Variants in NRDC observed in about 807,000 individuals in gnomAD.
NRDC encodes the protein nardilysin convertase.
NRDC carries 54 observed loss-of-function variants against 147.1 expected under a neutral mutation model. That is an observed-to-expected ratio of 0.37 (90% CI 0.29 to 0.46). The LOEUF (loss-of-function observed/expected upper bound fraction) is 0.46, where lower values mean the gene tolerates loss of function less well. Among genes scored for constraint, NRDC ranks in the 20% least tolerant of loss-of-function variants. The probability of loss-of-function intolerance (pLI) is 1.00; values close to 1 mark genes in which losing one functional copy is unlikely to be tolerated. For synonymous variants in NRDC, 440 were observed against 482.1 expected (o/e 0.91, Z 1.14); for missense variants, 1,082 against 1,370.6 (o/e 0.79, Z 3.33).
intron 4 of NRDC, among the ~76,000 whole-genome samples, chr1:51,833,212 G>A (rs1680795821): frequency 6.6e-6 from 1 of 151,948 alleles, no homozygotes; most frequent in Admixed American, 6.6e-5. Context: ...TATAATCCCA[G>A]CACTTTGAGA....
At chr1:51,874,459 C>T (rs1416764271) in intron 1 of NRDC, among the ~76,000 whole-genome samples, 1 of 151,866 alleles carries the variant, frequency 6.6e-6, no homozygotes, top group Non-Finnish European at 1.5e-5. Context: ...TCTACAAAAG[C>T]TTAGCTGGGC....
At position 51,840,506 on chromosome 1, in the gene NRDC, TTGATGTATC is replaced by T. The variant is rs1456198341; in HGVS notation, c.342-1_349del. Reference sequence around the variant, plus strand: ...AAGTGCCTGCAAGCCATTCTGTAATTTGATGTATCTGGGGGGAGAAAAAAAAAATCACAC... The same window carrying T: ...AAGTGCCTGCAAGCCATTCTGTAATTTGGGGGGAGAAAAAAAAAATCACAC... On this transcript the variant is annotated splice_acceptor_variant and coding_sequence_variant, in exon 2 of 31. Coordinates refer to ENST00000352171, the MANE Select transcript of NRDC (RefSeq NM_001101662.2). LOFTEE classifies it high-confidence loss of function. 1 of 1,600,044 alleles carries T rather than the reference TTGATGTATC, an allele frequency of 6.2e-7. No individual in the cohort carries two copies. Among genetic ancestry groups the T allele is most frequent in the African/African-American group, 1.4e-5 (1 of 73,958 alleles).
chr1:51,868,861 C>A (rs1682948265), intron 1 of NRDC, among the ~76,000 whole-genome samples: 1 of 152,018 alleles, frequency 6.6e-6, no homozygotes, highest in Admixed American at 6.6e-5. Flanking sequence ...AGGGAGTGAG[C>A]CACCACCTCA....
intron 1 of NRDC, among the ~76,000 whole-genome samples, chr1:51,866,031 G>A (rs990579371): frequency 6.6e-6 from 1 of 151,924 alleles, no homozygotes; most frequent in Non-Finnish European, 1.5e-5. Context: ...TGCACAGCCT[G>A]GGCGACAGAG....
intron 3 of NRDC, 111 bp downstream of exon 3, chr1:51,836,020 G>A (rs1419316407): frequency 1.2e-6 from 1 of 822,394 alleles, no homozygotes; most frequent in Admixed American, 2.5e-5. Flanking sequence ...CTTTTCTCTT[G>A]CTAAATATAT....
chr1:51,813,807 C>T (rs1416083025), intron 14 of NRDC, among the ~76,000 whole-genome samples: 1 of 152,168 alleles, frequency 6.6e-6, no homozygotes, highest in Non-Finnish European at 1.5e-5. Flanking sequence ...TACCACACAA[C>T]ATCATCTGTG....
At chr1:51,845,025 G>C (rs1345223768) in intron 1 of NRDC, among the ~76,000 whole-genome samples, 10 of 152,114 alleles carry the variant, frequency 6.6e-5, no homozygotes, top group Admixed American at 6.5e-4. Context: ...ATTCATCATT[G>C]GCTTCCCATC....
At chr1:51,857,910 A>G (rs74927462) in intron 1 of NRDC, among the ~76,000 whole-genome samples, 2,728 of 152,318 alleles carry the variant, frequency 0.018, 80 homozygotes, top group African/African-American at 0.063. Flanking sequence ...CAAATCCAGG[A>G]TTCTAGGGAA....
chr1:51,846,162 A>G (rs996452473), intron 1 of NRDC, among the ~76,000 whole-genome samples: 1 of 151,808 alleles, frequency 6.6e-6, no homozygotes, highest in Admixed American at 6.6e-5. Context: ...CCCAGGTTGG[A>G]GTGCAGTGGT....
intron 12 of NRDC, 35 bp downstream of exon 12, chr1:51,814,658 T>A: frequency 6.2e-7 from 1 of 1,605,282 alleles, no homozygotes; most frequent in African/African-American, 1.3e-5. Context: ...GATATCTACG[T>A]AAAAGGAAAA....
chr1:51,851,648 C>T (rs1681955183), intron 1 of NRDC, among the ~76,000 whole-genome samples: 3 of 151,640 alleles, frequency 2.0e-5, no homozygotes, highest in Non-Finnish European at 1.5e-5. Flanking sequence ...TAAACTGGAC[C>T]CCTAAATTTT....
At chr1:51,862,726 A>T (rs986808149) in intron 1 of NRDC, among the ~76,000 whole-genome samples, 11 of 151,440 alleles carry the variant, frequency 7.3e-5, no homozygotes, top group Admixed American at 2.0e-4. Context: ...GCCCTGTCTT[A>T]AAAAAAAGGC....
intron 24 of NRDC, among the ~76,000 whole-genome samples, chr1:51,793,343 G>A (rs1283633436): frequency 1.3e-5 from 2 of 152,190 alleles, no homozygotes; most frequent in East Asian, 3.8e-4. Context: ...GTTAAGAAAG[G>A]CTAGGCTGTA....
At chr1:51,859,413 A>G (rs929327179) in intron 1 of NRDC, among the ~76,000 whole-genome samples, 1 of 152,222 alleles carries the variant, frequency 6.6e-6, no homozygotes, top group African/African-American at 2.4e-5. Context: ...AGAGGTCTGG[A>G]TGTATGCCCA....
intron 22 of NRDC, among the ~76,000 whole-genome samples, chr1:51,796,070 G>C (rs192621474): frequency 6.6e-6 from 1 of 151,900 alleles, no homozygotes; most frequent in African/African-American, 2.4e-5. Context: ...TTTTGGAAGT[G>C]GTGTCTCACT....
chr1:51,860,778 C>G (rs1462959590), intron 1 of NRDC, among the ~76,000 whole-genome samples: 1 of 152,166 alleles, frequency 6.6e-6, no homozygotes, highest in East Asian at 1.9e-4. Flanking sequence ...CTTCTTACCA[C>G]CACCTTTATA....
intron 13 of NRDC, 91 bp from the exon 14 acceptor site, chr1:51,814,180 G>C: frequency 1.3e-6 from 1 of 787,602 alleles, no homozygotes; most frequent in African/African-American, 1.7e-5. Context: ...ATCAGAAAAG[G>C]TAACTATTGG....
chr1:51,824,080 C>T (rs1680334344), intron 6 of NRDC, among the ~76,000 whole-genome samples: 1 of 151,636 alleles, frequency 6.6e-6, no homozygotes, highest in Admixed American at 6.6e-5. Flanking sequence ...AGTATTCAAT[C>T]CAGGTTCTTT....
At position 51,789,214 on chromosome 1, in the gene NRDC, G is replaced by A. The variant is rs748476129; in HGVS notation, c.*22C>T. The stretch of plus-strand genomic sequence containing the variant: ...ACATTTTAAAATACACATTGCTTCA[G>A]GCCAACGTGACTGCAGTTTATTTAT... On this transcript the variant is annotated 3_prime_UTR_variant, in exon 31 of 31. Coordinates refer to ENST00000352171, the MANE Select transcript of NRDC (RefSeq NM_001101662.2). 1 of 1,602,698 alleles carries A rather than the reference G, an allele frequency of 6.2e-7. No individual in the cohort carries two copies. Among genetic ancestry groups the A allele is most frequent in the Non-Finnish European group, 8.5e-7 (1 of 1,169,866 alleles).
Sources: allele counts gnomAD v4.1 joint callset (sites outside exome capture counted in the v4.1 genomes callset), GRCh38; gene constraint gnomAD v4.1.1; transcripts MANE v1.5; gene names NCBI Gene and HGNC (gene_info 2026-07-23, HGNC 2026-07-21).